The following DIAPH2 variants were observed in gnomAD, a reference collection of about 807,000 sequenced individuals.
DIAPH2 encodes diaphanous related formin 2, also known as protein diaphanous homolog 2.
DIAPH2 carries 35 observed loss-of-function variants against 92.7 expected under a neutral mutation model. That is an observed-to-expected ratio of 0.38 (90% CI 0.29 to 0.50). The LOEUF (loss-of-function observed/expected upper bound fraction) is 0.50, where lower values mean the gene tolerates loss of function less well. Ranked by LOEUF, DIAPH2 falls within the 20% of genes least tolerant of loss-of-function variation. The pLI is 0.94. For missense variants in DIAPH2, 701 were observed against 819.5 expected (o/e 0.86, Z 1.77); for synonymous variants, 301 against 280.4 (o/e 1.07, Z -0.73).
At chrX:97,483,954 T>C (rs1016338302) in intron 26 of DIAPH2, among the ~76,000 whole-genome samples, 1 of 111,995 alleles carries the variant, frequency 8.9e-6, no homozygotes, top group Admixed American at 9.5e-5. Flanking sequence ...GTATAATGTA[T>C]GACAGTATTT....
intron 22 of DIAPH2, among the ~76,000 whole-genome samples, chrX:97,146,948 A>G (rs1024544877): frequency 1.8e-5 from 2 of 111,619 alleles, no homozygotes; most frequent in African/African-American, 6.5e-5. Flanking sequence ...GGAAAAGTTT[A>G]TGAAGCATTG....
At chrX:97,095,109 T>C (rs1314334511) in intron 19 of DIAPH2, among the ~76,000 whole-genome samples, 2,310 of 54,483 alleles carry the variant, frequency 0.042, 140 homozygotes, top group African/African-American at 0.12. Context: ...TTTTTTTTTT[T>C]TTTTTTTTTT....
intron 3 of DIAPH2, among the ~76,000 whole-genome samples, chrX:96,751,434 A>G (rs1265281823): frequency 1.9e-5 from 2 of 102,928 alleles, no homozygotes; most frequent in Admixed American, 1.1e-4. Flanking sequence ...AAATTAGCCG[A>G]GCGTGGTGGT....
chrX:96,969,560 G>T (rs770307221), intron 17 of DIAPH2, among the ~76,000 whole-genome samples: 2 of 109,636 alleles, frequency 1.8e-5, no homozygotes, highest in Non-Finnish European at 3.8e-5. Context: ...ATGTAGAAAT[G>T]ACACTAGCTT....
chrX:97,323,637 C>T (rs1483265137), intron 23 of DIAPH2, among the ~76,000 whole-genome samples: 3 of 100,140 alleles, frequency 3.0e-5, no homozygotes, highest in Non-Finnish European at 6.0e-5. Context: ...GGTGCGGTGG[C>T]TCATGCCTGT....
chrX:97,321,900 T>G (rs1338536740), intron 23 of DIAPH2, among the ~76,000 whole-genome samples: 1 of 112,192 alleles, frequency 8.9e-6, no homozygotes, highest in Admixed American at 9.5e-5. Flanking sequence ...TGCCTTCCAA[T>G]TTTGGCTGAG....
intron 20 of DIAPH2, among the ~76,000 whole-genome samples, chrX:97,100,482 C>G (rs1430369866): frequency 1.8e-5 from 2 of 111,175 alleles, no homozygotes; most frequent in Admixed American, 1.9e-4. Context: ...ACTGACTATT[C>G]AAATAGTTGA....
chrX:97,168,680 A>G (rs1467478786), intron 22 of DIAPH2, among the ~76,000 whole-genome samples: 2 of 111,794 alleles, frequency 1.8e-5, no homozygotes, highest in Non-Finnish European at 3.8e-5. Context: ...GACTACTGTT[A>G]CAGAATACTA....
intron 17 of DIAPH2, among the ~76,000 whole-genome samples, chrX:97,009,251 T>C (rs773756361): frequency 9.0e-6 from 1 of 111,286 alleles, no homozygotes; most frequent in South Asian, 3.8e-4. Flanking sequence ...TTGATGTTCA[T>C]TGAAGGCCGA....
At chrX:97,091,558 C>A (rs2066825722) in intron 19 of DIAPH2, among the ~76,000 whole-genome samples, 1 of 111,852 alleles carries the variant, frequency 8.9e-6, no homozygotes, top group African/African-American at 3.3e-5. Flanking sequence ...CGAAACAAGT[C>A]TTTTTGAAAG....
chrX:97,262,069 G>C (rs1186232900), intron 23 of DIAPH2, among the ~76,000 whole-genome samples: 2 of 88,431 alleles, frequency 2.3e-5, no homozygotes, highest in Non-Finnish European at 4.3e-5. Context: ...GTTTTTTTCA[G>C]TGGAGATTCA....
intron 22 of DIAPH2, among the ~76,000 whole-genome samples, chrX:97,162,795 A>C (rs1293698950): frequency 8.9e-6 from 1 of 111,800 alleles, no homozygotes; most frequent in African/African-American, 3.3e-5. Flanking sequence ...TATTACAGAC[A>C]TGAGCCACCG....
intron 26 of DIAPH2, among the ~76,000 whole-genome samples, chrX:97,478,658 T>G (rs890745861): frequency 2.1e-4 from 24 of 112,333 alleles, no homozygotes; most frequent in African/African-American, 2.6e-4. Flanking sequence ...ATCTTGTACA[T>G]TTTATAAGAA....
chrX:96,890,161 C>T (rs2065297738), intron 5 of DIAPH2, among the ~76,000 whole-genome samples: 1 of 110,234 alleles, frequency 9.1e-6, no homozygotes, highest in South Asian at 3.8e-4. Context: ...TATGATAAAT[C>T]ATTCTAGTTC....
intron 25 of DIAPH2, 38 bp downstream of exon 25, chrX:97,384,082 A>T (rs770843101): frequency 9.5e-7 from 1 of 1,057,555 alleles, no homozygotes; most frequent in Non-Finnish European, 1.3e-6. Flanking sequence ...AAATGCAAGA[A>T]GTACAAAATA....
intron 23 of DIAPH2, among the ~76,000 whole-genome samples, chrX:97,319,457 C>T (rs1255788289): frequency 2.8e-5 from 3 of 108,509 alleles, no homozygotes; most frequent in African/African-American, 6.7e-5. Flanking sequence ...GGCGCTATCT[C>T]GGCTCACTGC....
chrX:96,776,970 G>C (rs2147621211), intron 4 of DIAPH2, among the ~76,000 whole-genome samples: 1 of 111,950 alleles, frequency 8.9e-6, no homozygotes, highest in South Asian at 3.7e-4. Flanking sequence ...TAAACTTTTA[G>C]AATTCTTTCT....
chrX:97,194,427 A>G (rs370072733), intron 22 of DIAPH2, among the ~76,000 whole-genome samples: 3,455 of 108,763 alleles, frequency 0.032, 57 homozygotes, highest in Non-Finnish European at 0.045. Flanking sequence ...GACTACAGGC[A>G]CCCGCCACCA....
intron 26 of DIAPH2, among the ~76,000 whole-genome samples, chrX:97,450,171 G>T (rs1487348531): frequency 9.0e-6 from 1 of 111,401 alleles, no homozygotes; most frequent in Non-Finnish European, 1.9e-5. Flanking sequence ...ATAAAATTTA[G>T]ATATATCCAC....
Sources: gnomAD v4.1 joint callset for allele counts (sites outside exome capture counted in the v4.1 genomes callset) on GRCh38, gnomAD v4.1.1 for gene constraint, MANE v1.5 for transcripts, NCBI Gene and HGNC (gene_info 2026-07-23, HGNC 2026-07-21) for gene names.